Variants in ADGRV1 observed in about 807,000 individuals in gnomAD.
The protein encoded by ADGRV1 is G-protein coupled receptor 98.
A neutral mutation model predicts 596.2 loss-of-function variants in ADGRV1; 359 were observed. The ratio of observed to expected loss-of-function variants is 0.60; its 90% CI spans 0.55 to 0.66. ADGRV1 has a LOEUF of 0.66. Ranked by LOEUF, ADGRV1 falls within the 30% of genes least tolerant of loss-of-function variation. ADGRV1 has a pLI of 0.00. For missense variants in ADGRV1, 7,274 were observed against 7,575.6 expected (o/e 0.96, Z 1.48); for synonymous variants, 2,681 against 2,679.2 (o/e 1.00, Z -0.02).
intron 89 of ADGRV1, among the ~76,000 whole-genome samples, chr5:91,162,572 G>C (rs1471231870): frequency 2.0e-5 from 3 of 152,168 alleles, no homozygotes; most frequent in African/African-American, 7.2e-5. Flanking sequence ...AGGAGGAAGT[G>C]TATGAGAAAG....
rs754162988 is a variant in ADGRV1, at chr5:90,614,949, C to T, written c.137C>T (p.Thr46Ile). The change falls in exon 2 of 90, where the codon ACA becomes ATA. Residue 46 changes from threonine to isoleucine, a missense_variant. Around this residue, in one of 5 missense-constraint regions of ADGRV1, gnomAD observed 1,715 missense variants for 1,708.8 expected, o/e 1.00. Coordinates refer to ENST00000405460, the MANE Select transcript of ADGRV1 (RefSeq NM_032119.4). ...CAAACTGAATTTGTTGTTAATGAAACAAGTACAACAGTTATTCGTCTTATC... is the reference window on the plus strand; with the variant it reads ...CAAACTGAATTTGTTGTTAATGAAATAAGTACAACAGTTATTCGTCTTATC... ...TGQTEFVVNE[T>I]STTVIRLIIE... 1.4e-5 allele frequency: 22 copies of T among 1,591,914 alleles called. No homozygotes were observed. The highest frequency in any genetic ancestry group is 5.7e-5 in the South Asian group (5 of 87,660).
intron 87 of ADGRV1, among the ~76,000 whole-genome samples, chr5:91,140,248 T>C (rs1447877940): frequency 6.6e-6 from 1 of 152,190 alleles, no homozygotes; most frequent in Non-Finnish European, 1.5e-5. Context: ...TCCTCCCTTA[T>C]TATTATTGGA....
chr5:90,848,109 C>T lies in ADGRV1; in HGVS notation c.17020-528C>T, dbSNP rs960701614. Among the ~76,000 whole-genome samples, 17 of 152,268 alleles carry T rather than the reference C, an allele frequency of 1.1e-4. No homozygotes were observed. In the South Asian group the frequency reaches 3.3e-3, roughly 30 times the overall value. ...CCAGTTTTTTTTTAGTAGGAAGGGT[C>T]ATACTTACTGAAAAAGGCAAAAGCT... is the stretch of plus-strand genomic sequence containing the variant. On this transcript the variant is annotated intron_variant, in intron 78 of 89. Coordinates refer to ENST00000405460, the MANE Select transcript of ADGRV1 (RefSeq NM_032119.4).
At chr5:90,580,012 C>A (rs1757779167) in intron 1 of ADGRV1, among the ~76,000 whole-genome samples, 1 of 152,114 alleles carries the variant, frequency 6.6e-6, no homozygotes, top group African/African-American at 2.4e-5. Flanking sequence ...CATCTTTGCA[C>A]ATGAGATGGG....
chr5:90,756,602 G>T lies in ADGRV1; in HGVS notation c.11729G>T (p.Arg3910Ile), dbSNP rs1755857887. 6.2e-7 allele frequency: 1 copy of T among 1,613,590 alleles called. No individual in the cohort carries two copies. The highest frequency in any genetic ancestry group is 8.5e-7 in the Non-Finnish European group (1 of 1,179,706). ...EIMIEENDDPRGIFMFHVTRG... is the reference protein window; with the variant it reads ...EIMIEENDDPIGIFMFHVTRG... Reference sequence around the variant, plus strand: ...ATGATAGAAGAAAATGACGATCCCAGAGGAATTTTTATGTTTCATGTTACT... The same window carrying T: ...ATGATAGAAGAAAATGACGATCCCATAGGAATTTTTATGTTTCATGTTACT... Residue 3910 changes from arginine to isoleucine, a missense_variant, in exon 56 of 90, where the codon AGA becomes ATA. Transcript: ENST00000405460.
chr5:90,615,371 A>G (rs1028118360), intron 2 of ADGRV1, among the ~76,000 whole-genome samples: 9 of 151,908 alleles, frequency 5.9e-5, no homozygotes, highest in African/African-American at 2.2e-4. Flanking sequence ...CGTATGGAAT[A>G]TTTAAAAGTA....
rs1237615875 is a variant in ADGRV1, at chr5:90,841,013, GT to G, written c.17019+31del. ...AAGTTTTTGTGAATATTAGTAATTT[GT>G]TTAGTGAAATTTTGTAAATTTAAAA... On this transcript the variant is annotated intron_variant, in intron 78 of 89. Transcript: ENST00000405460. The G allele has an allele frequency of 2.1e-6, 3 of 1,397,302 alleles. No individual in the cohort carries two copies. The Admixed American group carries it at 7.8e-5, about 36-fold the overall frequency. 86.6% of individuals were successfully genotyped at this position (1,397,302 alleles called of 1,614,324 possible).
intron 85 of ADGRV1, among the ~76,000 whole-genome samples, chr5:91,069,703 AT>A (rs1788201833): frequency 6.6e-6 from 1 of 152,196 alleles, no homozygotes; most frequent in African/African-American, 2.4e-5. Flanking sequence ...CAGTTTGGAG[AT>A]TTCTCAGCGA....
intron 87 of ADGRV1, among the ~76,000 whole-genome samples, chr5:91,107,709 T>C (rs1274251319): frequency 6.6e-6 from 1 of 152,144 alleles, no homozygotes; most frequent in African/African-American, 2.4e-5. Context: ...ATGGATTGCT[T>C]AGAGAGAAAT....
At chr5:91,093,432 A>G (rs535255807) in intron 86 of ADGRV1, among the ~76,000 whole-genome samples, 1 of 152,382 alleles carries the variant, frequency 6.6e-6, no homozygotes, top group Admixed American at 6.5e-5. Context: ...AAGCTTTCAG[A>G]TGAAAAGAGC....
intron 9 of ADGRV1, chr5:90,630,349 C>T (rs1040634538): frequency 6.6e-6 from 1 of 152,122 alleles, no homozygotes; most frequent in Non-Finnish European, 1.5e-5. Context: ...AAATCAATTT[C>T]TTTGTCTAGG....
chr5:90,626,455 C>T (rs777910252), intron 6 of ADGRV1: 2 of 152,012 alleles, frequency 1.3e-5, no homozygotes, highest in African/African-American at 2.4e-5. Context: ...AATAGCTTTG[C>T]TTTTTATATT....
chr5:90,623,334 A>G (rs1298296761), intron 5 of ADGRV1, among the ~76,000 whole-genome samples: 1 of 152,234 alleles, frequency 6.6e-6, no homozygotes, highest in Admixed American at 6.5e-5. Context: ...ATGTTTTCAA[A>G]GACAGGAAAT....
At chr5:91,096,761 C>A (rs1790904056) in intron 86 of ADGRV1, among the ~76,000 whole-genome samples, 1 of 152,106 alleles carries the variant, frequency 6.6e-6, no homozygotes, top group South Asian at 2.1e-4. Flanking sequence ...GTGTACACTT[C>A]AGTGTCACAT....
In ADGRV1 at chr5:90,853,516, C is replaced by T. The variant is rs1468864346; in HGVS notation, c.17437C>T (p.Pro5813Ser). The stretch of plus-strand genomic sequence containing the variant: ...GTGGTTTATAAGTGGAAACAATCTT[C>T]CTACCCTAAAAAATAAGGTAATCTT... The part of the protein sequence containing the change: ...QQWFISGNNL[P>S]TLKNKVLSLS... Residue 5813 changes from proline (P) to serine (S), a missense_variant, in exon 80 of 90, where the codon CCT becomes TCT. By Grantham distance (74) the Pro-to-Ser change is moderately conservative. Around this residue, in one of 5 missense-constraint regions of ADGRV1, gnomAD observed 1,874 missense variants for 1,970.2 expected, o/e 0.95. Coordinates refer to ENST00000405460, the MANE Select transcript of ADGRV1 (RefSeq NM_032119.4). The T allele has an allele frequency of 6.2e-7, 1 of 1,610,398 alleles. No individual in the cohort carries two copies. Among genetic ancestry groups the T allele is most frequent in the East Asian group, 2.2e-5 (1 of 44,842 alleles).
At chr5:91,028,033 C>CTTT (rs1412113333) in intron 85 of ADGRV1, among the ~76,000 whole-genome samples, 1 of 87,654 alleles carries the variant, frequency 1.1e-5, no homozygotes, top group African/African-American at 3.8e-5. Flanking sequence ...CTTTTTTTTT[C>CTTT]TTTCTTTTTT....
chr5:91,106,399 A>G (rs977997583), intron 87 of ADGRV1, among the ~76,000 whole-genome samples: 1 of 152,136 alleles, frequency 6.6e-6, no homozygotes, highest in African/African-American at 2.4e-5. Context: ...CTGATAGTAC[A>G]ATGCCTTCAG....
chr5:90,566,684 A>G (rs1755677072), intron 1 of ADGRV1, among the ~76,000 whole-genome samples: 1 of 152,066 alleles, frequency 6.6e-6, no homozygotes, highest in African/African-American at 2.4e-5. Flanking sequence ...TTGATTTTGT[A>G]TTCTGTAATC....
At chr5:90,917,638 C>G (rs1314620833) in intron 83 of ADGRV1, among the ~76,000 whole-genome samples, 3 of 152,132 alleles carry the variant, frequency 2.0e-5, no homozygotes, top group African/African-American at 2.4e-5. Context: ...GAGATAAGCT[C>G]TATTATTGAG....
Sources: gnomAD v4.1 joint callset for allele counts (sites outside exome capture counted in the v4.1 genomes callset) on GRCh38, gnomAD v4.1.1 for gene constraint, gnomAD v4.1.1 regional missense constraint, MANE v1.5 for transcripts, NCBI Gene and HGNC (gene_info 2026-07-23, HGNC 2026-07-21) for gene names.